CUX1: variants seen among roughly 807,000 people sequenced by gnomAD.
The protein encoded by CUX1 is cut like homeobox 1.
A neutral mutation model predicts 158.8 loss-of-function variants in CUX1; 31 were observed. That is an observed-to-expected ratio of 0.20 (90% CI 0.15 to 0.26). The LOEUF (loss-of-function observed/expected upper bound fraction) is 0.26. Ranked by LOEUF, CUX1 falls within the 10% of genes least tolerant of loss-of-function variation. The pLI is 1.00. For missense variants in CUX1, 1,589 were observed against 2,014.6 expected (o/e 0.79, Z 4.04); for synonymous variants, 879 against 862.1 (o/e 1.02, Z -0.34).
In CUX1 at chr7:102,200,150, G is replaced by A. The variant is rs782155702; in HGVS notation, c.2040G>A (p.Arg680=). The change falls in exon 17 of 24, where the codon AGG becomes AGA. Residue 680 remains arginine (R), a synonymous_variant. Transcript: ENST00000292535. ...AIKSILEQAK[R]ELQVQKTAEP... Reference sequence around the variant, plus strand: ...AGTCCATCCTAGAGCAAGCCAAGAGGGAGCTCCAAGTGCAGAAAACTGGTA... The same window carrying A: ...AGTCCATCCTAGAGCAAGCCAAGAGAGAGCTCCAAGTGCAGAAAACTGGTA... The A allele has an allele frequency of 6.2e-7, 1 of 1,610,492 alleles. No individual in the cohort carries two copies. The highest frequency in any genetic ancestry group is 8.5e-7 in the Non-Finnish European group (1 of 1,178,736).
intron 8 of CUX1, among the ~76,000 whole-genome samples, chr7:102,155,871 C>G (rs1424354083): frequency 6.6e-6 from 1 of 152,164 alleles, no homozygotes; most frequent in African/African-American, 2.4e-5. Context: ...TCCCTGCACC[C>G]AGCACTGTAT....
At chr7:101,817,285 C>T (rs1791952716), upstream of CUX1, 1 of 984,820 alleles carries the variant, frequency 1.0e-6, no homozygotes, top group Admixed American at 6.2e-5. The surrounding 1 kb of genome is among the most constrained non-coding windows in gnomAD (Gnocchi z 4.1). Context: ...ACCTGCGGCG[C>T]CGGGTCCCTT....
At chr7:102,026,167 A>G (rs1379982520) in intron 2 of CUX1, among the ~76,000 whole-genome samples, 1 of 152,098 alleles carries the variant, frequency 6.6e-6, no homozygotes, top group Non-Finnish European at 1.5e-5. Flanking sequence ...TGACAGAGCA[A>G]GACCCTGTCT....
At chr7:101,894,929 T>C (rs1463982967) in intron 1 of CUX1, among the ~76,000 whole-genome samples, 5 of 152,104 alleles carry the variant, frequency 3.3e-5, no homozygotes, top group African/African-American at 1.2e-4. Flanking sequence ...TTGAGCTCCC[T>C]GAGTGCTGGG....
At position 102,034,145 on chromosome 7, in the gene CUX1, CAAAA is replaced by C. The variant is rs10655613; in HGVS notation, c.189+6019_189+6022del. Among the ~76,000 whole-genome samples, 10 of 48,612 alleles carry C rather than the reference CAAAA, an allele frequency of 2.1e-4. No individual in the cohort carries two copies. In the East Asian group the frequency reaches 5.1e-3, roughly 25 times the overall value. 31.9% of individuals were successfully genotyped at this position (48,612 alleles called of 152,430 possible). ...CAGGTGACAGAGCGAGACTCCATCTCAAAAAAAAAAAAAAAAAAAAAAGTCAGTC... is the reference window on the plus strand; with the variant it reads ...CAGGTGACAGAGCGAGACTCCATCTCAAAAAAAAAAAAAAAAAAGTCAGTC... On this transcript the variant is annotated intron_variant, in intron 3 of 23. Coordinates refer to ENST00000292535, the MANE Select transcript of CUX1 (RefSeq NM_181552.4).
At chr7:101,911,379 C>A (rs571209106) in intron 1 of CUX1, among the ~76,000 whole-genome samples, 1 of 149,122 alleles carries the variant, frequency 6.7e-6, no homozygotes, top group East Asian at 1.9e-4. Context: ...TGAACCTTGG[C>A]CTTGGCCTTG....
At chr7:102,104,515 A>C in intron 6 of CUX1, 56 bp downstream of exon 6, 5 of 1,583,760 alleles carry the variant, frequency 3.2e-6, no homozygotes, top group Non-Finnish European at 4.3e-6. Context: ...CCTGAACTTC[A>C]CATCATCAGA....
intron 14 of CUX1, 107 bp downstream of exon 14, chr7:102,195,710 A>T: frequency 9.8e-7 from 1 of 1,017,650 alleles, no homozygotes; most frequent in Non-Finnish European, 1.4e-6. Flanking sequence ...TGGCCAGAGA[A>T]GCGCCGGTTG....
chr7:102,238,520 T>G (rs1799834316), intron 22 of CUX1, among the ~76,000 whole-genome samples: 1 of 152,216 alleles, frequency 6.6e-6, no homozygotes, highest in Admixed American at 6.5e-5. Context: ...AAACTAATGA[T>G]TAATGATATT....
chr7:102,203,455 C>T (rs1439347229), intron 18 of CUX1, among the ~76,000 whole-genome samples: 5 of 152,140 alleles, frequency 3.3e-5, no homozygotes, highest in South Asian at 4.2e-4. Flanking sequence ...TGTCCGATGG[C>T]GAACTTTGCC....
At chr7:102,051,522 A>G (rs1156827024) in intron 3 of CUX1, among the ~76,000 whole-genome samples, 1 of 151,954 alleles carries the variant, frequency 6.6e-6, no homozygotes, top group African/African-American at 2.4e-5. Flanking sequence ...ATGGTGCGCA[A>G]CTGTAGTCCC....
intron 3 of CUX1, among the ~76,000 whole-genome samples, chr7:102,037,978 C>G (rs1275406884): frequency 6.6e-6 from 1 of 151,212 alleles, no homozygotes; most frequent in Non-Finnish European, 1.5e-5. Context: ...TTGCTTGAAC[C>G]TGGGAGGTGG....
In CUX1 at chr7:102,120,618, C is replaced by T. The variant is rs182149285; in HGVS notation, c.674+5345C>T. Among the ~76,000 whole-genome samples, 501 of 152,330 alleles carry T rather than the reference C, an allele frequency of 3.3e-3. 5 individuals are homozygous for T. The highest frequency in any genetic ancestry group is 0.011 in the African/African-American group (477 of 41,574). ...TAATTTTAGAGTATTTTCTTTATAACATGTATATAACCAGTACTTTATCAC... is the reference window on the plus strand; with the variant it reads ...TAATTTTAGAGTATTTTCTTTATAATATGTATATAACCAGTACTTTATCAC... On this transcript the variant is annotated intron_variant, in intron 8 of 23. Coordinates refer to ENST00000292535, the MANE Select transcript of CUX1 (RefSeq NM_181552.4).
At chr7:101,985,983 A>G (rs1469396337) in intron 2 of CUX1, among the ~76,000 whole-genome samples, 1 of 152,252 alleles carries the variant, frequency 6.6e-6, no homozygotes, top group Non-Finnish European at 1.5e-5. Context: ...GAACCCTTCC[A>G]GAGTGTCTCT....
At chr7:101,824,111 G>A (rs936617643) in intron 1 of CUX1, among the ~76,000 whole-genome samples, 5 of 151,904 alleles carry the variant, frequency 3.3e-5, no homozygotes, top group African/African-American at 7.3e-5. Context: ...TTTTTGAGAC[G>A]GAGTCTCACT....
intron 17 of CUX1, among the ~76,000 whole-genome samples, chr7:102,277,214 C>T (rs1791669887): frequency 6.6e-6 from 1 of 152,098 alleles, no homozygotes; most frequent in South Asian, 2.1e-4. Flanking sequence ...GGGAGGATCG[C>T]TTGAGTCGGG....
intron 9 of CUX1, among the ~76,000 whole-genome samples, chr7:102,160,825 G>C (rs1397259348): frequency 6.6e-6 from 1 of 152,132 alleles, no homozygotes; most frequent in Non-Finnish European, 1.5e-5. Flanking sequence ...TGGGTACAGA[G>C]TTTTGGTTTT....
rs1225090855 is a variant in CUX1 at position 102,200,117 on chromosome 7, A to G, written c.2007A>G (p.Glu669=). ...GAGCCTCGGAGACTGGCTCTGATGAAGCCATCAAGTCCATCCTAGAGCAAG... is the reference window on the plus strand; with the variant it reads ...GAGCCTCGGAGACTGGCTCTGATGAGGCCATCAAGTCCATCCTAGAGCAAG... ...RIRASETGSD[E]AIKSILEQAK... Residue 669 remains glutamate (E), a synonymous_variant, in exon 17 of 24, where the codon GAA becomes GAG. Transcript: ENST00000292535. 4.3e-6 allele frequency: 7 copies of G among 1,613,678 alleles called. No individual in the cohort carries two copies. Among genetic ancestry groups the G allele is most frequent in the African/African-American group, 1.3e-5 (1 of 75,020 alleles).
At chr7:102,132,231 C>T (rs782320551) in intron 8 of CUX1, among the ~76,000 whole-genome samples, 7 of 149,386 alleles carry the variant, frequency 4.7e-5, no homozygotes, top group East Asian at 2.0e-4. Context: ...GATGGACAGA[C>T]GGATGGGCAG....
Sources: gnomAD v4.1 joint callset for allele counts (sites outside exome capture counted in the v4.1 genomes callset) on GRCh38, gnomAD v4.1.1 for gene constraint, Gnocchi (gnomAD v3.1) non-coding constraint, MANE v1.5 for transcripts, NCBI Gene and HGNC (gene_info 2026-07-23, HGNC 2026-07-21) for gene names.